SPECC1L: variants seen among roughly 807,000 people sequenced by gnomAD.
SPECC1L encodes the protein cytospin-A.
SPECC1L carries 40 observed loss-of-function variants against 116.8 expected under a neutral mutation model. The observed-to-expected ratio is 0.34, with a 90% CI of 0.27 to 0.45. The LOEUF (loss-of-function observed/expected upper bound fraction) is 0.45. Among genes scored for constraint, SPECC1L ranks in the 20% least tolerant of loss-of-function variants. The pLI, the probability that SPECC1L is intolerant of heterozygous loss-of-function variation, is 1.00. For missense variants in SPECC1L, 1,110 were observed against 1,373.6 expected (o/e 0.81, Z 3.03); for synonymous variants, 504 against 500.6 (o/e 1.01, Z -0.09).
intron 7 of SPECC1L, 148 bp from the exon 8 acceptor site, chr22:24,330,108 T>C: frequency 1.3e-6 from 1 of 762,942 alleles, no homozygotes; most frequent in Non-Finnish European, 2.1e-6. Context: ...TAGAAATAGA[T>C]ACTAGCAATT....
At chr22:24,271,547 A>C (rs1193643870) in intron 1 of SPECC1L, among the ~76,000 whole-genome samples, 1 of 152,272 alleles carries the variant, frequency 6.6e-6, no homozygotes, top group Non-Finnish European at 1.5e-5. Context: ...ATCAGGTTGG[A>C]TGTGAATAAT....
intron 4 of SPECC1L, 110 bp downstream of exon 4, chr22:24,313,576 A>G: frequency 7.9e-7 from 1 of 1,265,740 alleles, no homozygotes; most frequent in Non-Finnish European, 1.1e-6. Flanking sequence ...AGACATACAA[A>G]AGTAGATGGA....
intron 10 of SPECC1L, among the ~76,000 whole-genome samples, chr22:24,342,438 A>G (rs888216761): frequency 1.3e-5 from 2 of 152,208 alleles, no homozygotes; most frequent in Non-Finnish European, 2.9e-5. Context: ...TGGGAGGCCA[A>G]GGCAGGTGGA....
chr22:24,388,336 GTT>G (rs1169041601), intron 14 of SPECC1L, among the ~76,000 whole-genome samples: 1 of 138,366 alleles, frequency 7.2e-6, no homozygotes, highest in African/African-American at 2.7e-5. Flanking sequence ...TGCAGTGTTT[GTT>G]TTTTTTTTGT....
chr22:24,289,304 C>G (rs946061743), intron 2 of SPECC1L, among the ~76,000 whole-genome samples: 1 of 152,222 alleles, frequency 6.6e-6, no homozygotes, highest in Non-Finnish European at 1.5e-5. Context: ...CACTTATGTA[C>G]TGTTGCCAGA....
chr22:24,390,037 G>T (rs765960756), intron 14 of SPECC1L, among the ~76,000 whole-genome samples: 3 of 151,758 alleles, frequency 2.0e-5, no homozygotes, highest in Admixed American at 6.6e-5. Context: ...AAAGACAAGG[G>T]AATAGAGACG....
intron 14 of SPECC1L, among the ~76,000 whole-genome samples, chr22:24,397,678 TAA>T (rs1031494466): frequency 1.1e-4 from 17 of 152,338 alleles, no homozygotes; most frequent in South Asian, 1.0e-3. Context: ...CTTTTTTATA[TAA>T]GTTATATTTT....
chr22:24,364,490 G>C (rs768944073), intron 12 of SPECC1L, among the ~76,000 whole-genome samples: 1 of 151,898 alleles, frequency 6.6e-6, no homozygotes, highest in Non-Finnish European at 1.5e-5. Context: ...TGGCAAAACC[G>C]TGTGTCTACT....
intron 11 of SPECC1L, among the ~76,000 whole-genome samples, chr22:24,350,474 A>G (rs2041399049): frequency 6.6e-6 from 1 of 152,142 alleles, no homozygotes; most frequent in African/African-American, 2.4e-5. Context: ...ATCCCATAGT[A>G]AATCTTTGCT....
chr22:24,413,051 A>G (rs765205212), intron 16 of SPECC1L, among the ~76,000 whole-genome samples: 2 of 152,198 alleles, frequency 1.3e-5, no homozygotes, highest in African/African-American at 2.4e-5. Context: ...GAAAAATGTC[A>G]TATGTTTATA....
chr22:24,327,481 A>T (rs2040853841), intron 6 of SPECC1L, among the ~76,000 whole-genome samples: 1 of 152,056 alleles, frequency 6.6e-6, no homozygotes, highest in Non-Finnish European at 1.5e-5. Flanking sequence ...TAGCTAGAGG[A>T]AGAATTTTTT....
chr22:24,281,332 C>A (rs1345917433), intron 2 of SPECC1L, among the ~76,000 whole-genome samples: 1 of 152,184 alleles, frequency 6.6e-6, no homozygotes, highest in Non-Finnish European at 1.5e-5. Flanking sequence ...CAACTTGTCA[C>A]ATTCTACAAA....
chr22:24,353,515 A>G (rs968494530), intron 11 of SPECC1L, among the ~76,000 whole-genome samples: 2 of 151,994 alleles, frequency 1.3e-5, no homozygotes, highest in South Asian at 4.1e-4. Flanking sequence ...TTCAACTCTC[A>G]TGCTTTAGCC....
chr22:24,366,041 A>G (rs977187912), intron 13 of SPECC1L, among the ~76,000 whole-genome samples: 3 of 151,860 alleles, frequency 2.0e-5, no homozygotes, highest in Non-Finnish European at 2.9e-5. Flanking sequence ...CACCAAAGGG[A>G]TTAGTAAGTG....
chr22:24,416,566 C>G lies in SPECC1L; in HGVS notation c.*1943C>G, dbSNP rs1374502543. The G allele has an allele frequency of 6.6e-6, 1 of 152,294 alleles. No individual in the cohort carries two copies. Among genetic ancestry groups the G allele is most frequent in the Non-Finnish European group, 1.5e-5 (1 of 68,070 alleles). 9.4% of individuals were successfully genotyped at this position (152,294 alleles called of 1,614,324 possible). The stretch of plus-strand genomic sequence containing the variant: ...TGCTCTCATTTGCCTTCACAGAGGC[C>G]ACTCCACCTGTCCGGATCCAGCTGT... On this transcript the variant is annotated 3_prime_UTR_variant, in exon 17 of 17. Transcript: ENST00000314328.
rs368701071 is a variant in SPECC1L at position 24,415,887 on chromosome 22, T to G, written c.*1264T>G. The G allele has an allele frequency of 4.8e-4, 73 of 152,366 alleles. No individual in the cohort carries two copies. The highest frequency in any genetic ancestry group is 1.7e-3 in the African/African-American group (70 of 41,580). The allele number at this position is 152,366 out of a possible 1,614,324, so 9.4% of individuals were successfully genotyped here. A position where few individuals can be genotyped will look rare whatever the true frequency, so the allele number is the denominator to read the frequency against. Reference sequence around the variant, plus strand: ...CTCTCAGGCCAGAACTCAACAGCTATTTTTGGGAATAGGGATCTCCCGTGT... The same window carrying G: ...CTCTCAGGCCAGAACTCAACAGCTAGTTTTGGGAATAGGGATCTCCCGTGT... On this transcript the variant is annotated 3_prime_UTR_variant, in exon 17 of 17. Transcript: ENST00000314328.
At chr22:24,367,568 CA>C (rs1395895329) in intron 13 of SPECC1L, among the ~76,000 whole-genome samples, 1 of 152,048 alleles carries the variant, frequency 6.6e-6, no homozygotes, top group African/African-American at 2.4e-5. Flanking sequence ...TAAAGCAAAG[CA>C]GGAATGTTAC....
rs1343173742 is a variant in SPECC1L, at chr22:24,306,116, A to T, written c.153+3732A>T. Among the ~76,000 whole-genome samples the T allele has an allele frequency of 2.6e-5, 4 of 152,166 alleles. No individual in the cohort carries two copies. The East Asian group carries it at 7.8e-4, about 30-fold the overall frequency. On this transcript the variant is annotated intron_variant, in intron 3 of 16. Coordinates refer to ENST00000314328, the MANE Select transcript of SPECC1L (RefSeq NM_015330.6). ...GAGACGGGGTTTCTCCATGTTGGTC[A>T]GGCTGGTCTTGAACTCCCGACCTCA...
intron 3 of SPECC1L, among the ~76,000 whole-genome samples, chr22:24,304,740 A>C (rs1452622089): frequency 6.6e-6 from 1 of 152,240 alleles, no homozygotes; most frequent in South Asian, 2.1e-4. Flanking sequence ...ATATTTCTCC[A>C]TGATTATTTG....
Sources: allele counts gnomAD v4.1 joint callset (sites outside exome capture counted in the v4.1 genomes callset), GRCh38; gene constraint gnomAD v4.1.1; transcripts MANE v1.5; gene names NCBI Gene and HGNC (gene_info 2026-07-23, HGNC 2026-07-21).